EML4: variants seen among roughly 807,000 people sequenced by gnomAD.
EML4 encodes EMAP like 4.
EML4 carries 72 observed loss-of-function variants against 129.0 expected under a neutral mutation model. The ratio of observed to expected loss-of-function variants is 0.56; its 90% CI spans 0.46 to 0.68. The LOEUF is 0.68. EML4 is among the 30% of genes least tolerant of loss of function. EML4 has a pLI of 0.00. For missense variants in EML4, 1,363 were observed against 1,190.6 expected (o/e 1.14, Z -2.13); for synonymous variants, 532 against 405.0 (o/e 1.31, Z -3.77).
At chr2:42,234,590 A>G (rs1674542555) in intron 1 of EML4, among the ~76,000 whole-genome samples, 1 of 152,182 alleles carries the variant, frequency 6.6e-6, no homozygotes, top group Non-Finnish European at 1.5e-5. Flanking sequence ...CTGTAAATAT[A>G]TGTGTCAGTA....
At chr2:42,264,642 G>A in intron 5 of EML4, 64 bp from the exon 6 acceptor site, 1 of 902,148 alleles carries the variant, frequency 1.1e-6, no homozygotes, top group Non-Finnish European at 1.8e-6. Context: ...GTTTCTTGAG[G>A]TGATTTTAAT....
intron 1 of EML4, among the ~76,000 whole-genome samples, chr2:42,189,237 G>A (rs1460064703): frequency 1.3e-5 from 2 of 152,152 alleles, no homozygotes; most frequent in Admixed American, 1.3e-4. Flanking sequence ...TTATATTCAT[G>A]AAGTGCCTGA....
At chr2:42,269,398 CATTT>C (rs1440361947) in intron 6 of EML4, among the ~76,000 whole-genome samples, 1 of 152,152 alleles carries the variant, frequency 6.6e-6, no homozygotes, top group Non-Finnish European at 1.5e-5. Flanking sequence ...TTCATTCATT[CATTT>C]AACAGATATT....
intron 1 of EML4, among the ~76,000 whole-genome samples, chr2:42,227,135 A>G (rs536276760): frequency 1.3e-5 from 2 of 152,144 alleles, no homozygotes; most frequent in East Asian, 3.9e-4. Flanking sequence ...CCTTGAGGTA[A>G]GATCTCGCTC....
chr2:42,286,289 A>C lies in EML4; in HGVS notation c.1032A>C (p.Arg344Ser). Reference protein sequence around the residue: ...KDGRPLQPHVRVWDSVTLSTL... With the variant: ...KDGRPLQPHVSVWDSVTLSTL... ...TGCAGCCTCTACAACCCCACGTCAG[A>C]GTGTGGGATTCTGTTACTCTATCCA... Residue 344 changes from arginine to serine, a missense_variant, in exon 10 of 23, where the codon AGA becomes AGC. By Grantham distance (110) the Arg-to-Ser change is moderately radical. Transcript: ENST00000318522. The C allele has an allele frequency of 6.2e-7, 1 of 1,612,806 alleles. No homozygotes were observed.
chr2:42,204,750 A>G (rs1285959777), intron 1 of EML4, among the ~76,000 whole-genome samples: 1 of 152,168 alleles, frequency 6.6e-6, no homozygotes, highest in Non-Finnish European at 1.5e-5. Context: ...TCTCCCTACT[A>G]GGATAAACAG....
chr2:42,245,094 CTTTTTTTTTTT>C (rs56808218), intron 1 of EML4, among the ~76,000 whole-genome samples: 13 of 66,564 alleles, frequency 2.0e-4, no homozygotes, highest in Non-Finnish European at 5.2e-5. Flanking sequence ...AATTTTCTTT[CTTTTTTTTTTT>C]TTTTTTTGAG....
intron 1 of EML4, among the ~76,000 whole-genome samples, chr2:42,219,465 G>GT (rs1166175551): frequency 1.3e-5 from 2 of 152,118 alleles, no homozygotes; most frequent in African/African-American, 4.8e-5. Flanking sequence ...TCTACCTGAA[G>GT]TTCTGTAAAT....
Position 42,261,636 on chromosome 2 carries a change from A to G in EML4, c.512+342A>G, listed in dbSNP as rs574130795. The G allele has an allele frequency of 3.0e-5, 5 of 165,258 alleles. No homozygotes were observed. The East Asian group carries it at 6.3e-4, about 21-fold the overall frequency. The allele number at this position is 165,258 out of a possible 1,614,324, so 10.2% of individuals were successfully genotyped here. On this transcript the variant is annotated intron_variant, in intron 4 of 22. Transcript: ENST00000318522. ...TATGTATGTAACTATGCATAAATTT[A>G]TAGCCATGGATAGAAAATGGCCATA...
intron 2 of EML4, among the ~76,000 whole-genome samples, chr2:42,247,297 C>T (rs935601948): frequency 3.3e-5 from 5 of 151,788 alleles, no homozygotes; most frequent in Non-Finnish European, 7.4e-5. Context: ...AAAGATAGGT[C>T]GTCAGTGGTA....
intron 1 of EML4, among the ~76,000 whole-genome samples, chr2:42,243,858 A>G (rs1181658338): frequency 6.6e-6 from 1 of 152,186 alleles, no homozygotes; most frequent in African/African-American, 2.4e-5. Context: ...GTTCCATAGC[A>G]TATTATCTCA....
rs140855779 is a variant in EML4 at position 42,292,672 on chromosome 2, T to C, written c.1219-2453T>C. On this transcript the variant is annotated intron_variant, in intron 11 of 22. Coordinates refer to ENST00000318522, the MANE Select transcript of EML4 (RefSeq NM_019063.5). ...GGAAGGTTAGTAATGTTTTGTTTCT[T>C]GTTCTGAATGCTGAATAGCGATGTT... Among the ~76,000 whole-genome samples the C allele has an allele frequency of 5.8e-3, 886 of 152,322 alleles. 6 individuals are homozygous for C. Among genetic ancestry groups the C allele is most frequent in the Non-Finnish European group, 0.01 (709 of 68,014 alleles).
At chr2:42,182,224 T>C (rs1670988423) in intron 1 of EML4, among the ~76,000 whole-genome samples, 1 of 151,248 alleles carries the variant, frequency 6.6e-6, no homozygotes, top group East Asian at 2.0e-4. Flanking sequence ...TAGTTACATA[T>C]GTATACATGT....
At chr2:42,208,679 C>T (rs1281304136) in intron 1 of EML4, among the ~76,000 whole-genome samples, 11 of 152,026 alleles carry the variant, frequency 7.2e-5, no homozygotes, top group Admixed American at 7.2e-4. Context: ...ATGATCCACC[C>T]TCCTTGGCCT....
Position 42,316,032 on chromosome 2 carries a change from G to C in EML4, c.2038G>C (p.Val680Leu), listed in dbSNP as rs752445980. Residue 680 changes from valine (V) to leucine (L), a missense_variant, in exon 18 of 23, where the codon GTG becomes CTG. By Grantham distance (32) the Val-to-Leu change is conservative. Transcript: ENST00000318522. ...IHTDGNEQLS[V>L]MRYSIDGTFL... is the part of the protein sequence containing the mutation. Reference sequence around the variant, plus strand: ...CACAGACGGGAATGAACAGCTCTCTGTGATGCGCTACTCAATAGGTAGGCA... The same window carrying C: ...CACAGACGGGAATGAACAGCTCTCTCTGATGCGCTACTCAATAGGTAGGCA... 8 of 1,613,506 alleles carry C rather than the reference G, an allele frequency of 5.0e-6. No homozygotes were observed. Among genetic ancestry groups the C allele is most frequent in the Non-Finnish European group, 6.8e-6 (8 of 1,179,512 alleles).
chr2:42,285,066 T>G (rs369573387), intron 9 of EML4, among the ~76,000 whole-genome samples: 2 of 113,966 alleles, frequency 1.8e-5, no homozygotes, highest in Non-Finnish European at 3.7e-5. Context: ...TTATTTACTT[T>G]CTTAATTAAT....
intron 6 of EML4, among the ~76,000 whole-genome samples, chr2:42,277,384 T>C (rs1037146772): frequency 1.3e-5 from 2 of 152,214 alleles, no homozygotes; most frequent in African/African-American, 4.8e-5. Flanking sequence ...AAATTTCAGC[T>C]ATGCTAAAAA....
At chr2:42,315,890 A>AT in intron 17 of EML4, 72 bp from the exon 18 acceptor site, 1 of 1,153,490 alleles carries the variant, frequency 8.7e-7, no homozygotes, top group Non-Finnish European at 1.3e-6. Context: ...CAAAAAAAAA[A>AT]GAAAAAGAAC....
chr2:42,204,964 C>T (rs927452238), intron 1 of EML4, among the ~76,000 whole-genome samples: 5 of 152,098 alleles, frequency 3.3e-5, no homozygotes, highest in Non-Finnish European at 5.9e-5. Flanking sequence ...ATTACTATAC[C>T]ATATGGTTTT....
Sources: allele counts gnomAD v4.1 joint callset (sites outside exome capture counted in the v4.1 genomes callset), GRCh38; gene constraint gnomAD v4.1.1; transcripts MANE v1.5; gene names NCBI Gene and HGNC (gene_info 2026-07-23, HGNC 2026-07-21).